The following LRRC8C variants were observed in gnomAD, a reference collection of about 807,000 sequenced individuals.
The protein encoded by LRRC8C is leucine rich repeat containing 8 VRAC subunit C.
In LRRC8C, 20 loss-of-function variants were observed where a neutral mutation model predicts 55.3. The ratio of observed to expected loss-of-function variants is 0.36; its 90% CI spans 0.25 to 0.53. LRRC8C has a LOEUF of 0.53. Ranked by LOEUF, LRRC8C falls within the 20% of genes least tolerant of loss-of-function variation. The pLI, the probability that LRRC8C is intolerant of heterozygous loss-of-function variation, is 0.92. For synonymous variants in LRRC8C, 376 were observed against 360.7 expected (o/e 1.04, Z -0.48); for missense variants, 659 against 951.4 (o/e 0.69, Z 4.04).
At chr1:89,702,920 C>T (rs903310609) in intron 2 of LRRC8C, among the ~76,000 whole-genome samples, 5 of 152,146 alleles carry the variant, frequency 3.3e-5, no homozygotes, top group African/African-American at 1.2e-4. Flanking sequence ...AACAAGAGTT[C>T]TCAGTTTACC....
Position 89,715,032 on chromosome 1 carries a change from A to G in LRRC8C, c.*50A>G, listed in dbSNP as rs1385280823. On this transcript the variant is annotated 3_prime_UTR_variant, in exon 3 of 3. Coordinates refer to ENST00000370454, the MANE Select transcript of LRRC8C (RefSeq NM_032270.5). The stretch of plus-strand genomic sequence containing the variant: ...GAAACACGCTTCTACCAAATACAGT[A>G]TAAATAATTAGGTAGTCTTAATGCC... The G allele has an allele frequency of 2.2e-6, 3 of 1,341,348 alleles. No individual in the cohort carries two copies. Among genetic ancestry groups the G allele is most frequent in the Middle Eastern group, 1.9e-4 (1 of 5,246 alleles). The allele number at this position is 1,341,348 out of a possible 1,614,324, so 83.1% of individuals were successfully genotyped here.
At chr1:89,689,901 A>G (rs1657982526) in intron 2 of LRRC8C, among the ~76,000 whole-genome samples, 1 of 152,100 alleles carries the variant, frequency 6.6e-6, no homozygotes, top group African/African-American at 2.4e-5. Flanking sequence ...AGATCGCACC[A>G]TTGCACTGCA....
the LRRC8C span, among the ~76,000 whole-genome samples, chr1:89,623,577 C>T: frequency 6.6e-6 from 1 of 152,292 alleles, no homozygotes; most frequent in East Asian, 1.9e-4. Flanking sequence ...AAAAAATTAG[C>T]CGGGCATGGT....
intron 1 of LRRC8C, among the ~76,000 whole-genome samples, chr1:89,657,132 C>A (rs576224875): frequency 2.0e-5 from 3 of 152,090 alleles, no homozygotes; most frequent in Admixed American, 6.5e-5. Flanking sequence ...AATGTGACCG[C>A]TTATGACTAA....
chr1:89,639,080 G>T (rs1027416343), intron 1 of LRRC8C, among the ~76,000 whole-genome samples: 2 of 151,138 alleles, frequency 1.3e-5, no homozygotes, highest in Non-Finnish European at 2.9e-5. Context: ...CTGCCTCCTG[G>T]GTCCAGGCGA....
chr1:89,647,576 G>A (rs1656650294), intron 1 of LRRC8C, among the ~76,000 whole-genome samples: 1 of 152,138 alleles, frequency 6.6e-6, no homozygotes, highest in South Asian at 2.1e-4. Flanking sequence ...TGGGTTGGGT[G>A]AGAAAAAATA....
At chr1:89,686,875 A>G (rs986670891) in intron 2 of LRRC8C, among the ~76,000 whole-genome samples, 3 of 152,214 alleles carry the variant, frequency 2.0e-5, no homozygotes, top group Non-Finnish European at 4.4e-5. Flanking sequence ...CTAACATCAA[A>G]GGGGGCCCCT....
In LRRC8C at chr1:89,713,216, A is replaced by G. The variant is rs753670794; in HGVS notation, c.646A>G (p.Ile216Val). The change falls in exon 3 of 3, where the codon ATT (isoleucine) becomes GTT (valine). Residue 216 changes from isoleucine to valine, a missense_variant. Transcript: ENST00000370454. This position sits in a 1 kb window ranked among gnomAD's most constrained non-coding sequence, Gnocchi z 5.2. ...SLVNSQSLKSIPEKFVVDKST... is the reference protein window; with the variant it reads ...SLVNSQSLKSVPEKFVVDKST... The stretch of plus-strand genomic sequence containing the variant: ...GGTCAACTCTCAGTCTTTAAAGTCC[A>G]TTCCTGAGAAGTTTGTAGTTGATAA... 1.4e-5 allele frequency: 22 copies of G among 1,614,220 alleles called. No homozygotes were observed. Among genetic ancestry groups the G allele is most frequent in the East Asian group, 2.2e-5 (1 of 44,888 alleles).
chr1:89,657,074 C>A (rs1490762456), intron 1 of LRRC8C, among the ~76,000 whole-genome samples: 1 of 152,112 alleles, frequency 6.6e-6, no homozygotes, highest in East Asian at 1.9e-4. Context: ...TTATATTATA[C>A]AAAATGGTGA....
At chr1:89,644,591 G>A (rs1019113348) in intron 1 of LRRC8C, among the ~76,000 whole-genome samples, 2 of 152,218 alleles carry the variant, frequency 1.3e-5, no homozygotes, top group African/African-American at 2.4e-5. Context: ...AGTCCATATG[G>A]TCTACAGCTA....
chr1:89,706,169 A>T, intron 2 of LRRC8C: 1 of 350,826 alleles, frequency 2.9e-6, no homozygotes, highest in East Asian at 8.1e-5. Context: ...CCCAAATATA[A>T]CAACTGACAT....
At chr1:89,625,610 G>C in the LRRC8C span, among the ~76,000 whole-genome samples, 2 of 152,144 alleles carry the variant, frequency 1.3e-5, no homozygotes, top group Non-Finnish European at 2.9e-5. Flanking sequence ...GAGCATGTGC[G>C]CATGGCTACG....
the LRRC8C span, among the ~76,000 whole-genome samples, chr1:89,623,529 T>A: frequency 6.6e-6 from 1 of 152,164 alleles, no homozygotes; most frequent in African/African-American, 2.4e-5. Flanking sequence ...AAGACCATCC[T>A]GGCTAACACA....
At chr1:89,654,572 T>C (rs921779079) in intron 1 of LRRC8C, among the ~76,000 whole-genome samples, 1 of 152,196 alleles carries the variant, frequency 6.6e-6, no homozygotes, top group Non-Finnish European at 1.5e-5. Context: ...TCTGTGTCCT[T>C]CTATGTCTGA....
rs1014038479 is a variant in LRRC8C at position 89,717,516 on chromosome 1, A to G, written c.*2534A>G. ...TTTTGATAACATCTGGTAAGTCAGT[A>G]TAGTTCTGTGACTTCATGTTTTAAC... On this transcript the variant is annotated 3_prime_UTR_variant, in exon 3 of 3. Coordinates refer to ENST00000370454, the MANE Select transcript of LRRC8C (RefSeq NM_032270.5). 6.6e-6 allele frequency: 1 copy of G among 152,162 alleles called. No individual in the cohort carries two copies. The highest frequency in any genetic ancestry group is 1.9e-4 in the East Asian group (1 of 5,196). The allele number at this position is 152,162 out of a possible 1,614,324, so 9.4% of individuals were successfully genotyped here.
At chr1:89,695,922 T>G (rs1400573645) in intron 2 of LRRC8C, among the ~76,000 whole-genome samples, 2 of 152,048 alleles carry the variant, frequency 1.3e-5, no homozygotes, top group African/African-American at 2.4e-5. Context: ...GTGAAAAAAA[T>G]GGTGATAAAA....
chr1:89,633,618 A>G (rs1202540886), intron 1 of LRRC8C, among the ~76,000 whole-genome samples: 2 of 151,656 alleles, frequency 1.3e-5, no homozygotes, highest in Non-Finnish European at 2.9e-5. Flanking sequence ...CAGGTCCTGC[A>G]GACTGGGCGC....
intron 1 of LRRC8C, among the ~76,000 whole-genome samples, chr1:89,656,998 T>TTTAAAACTTTACTG (rs1656963351): frequency 1.3e-5 from 2 of 152,178 alleles, no homozygotes; most frequent in African/African-American, 2.4e-5. Context: ...CACTAGCTAG[T>TTTAAAACTTTACTG]AGCCATAGAG....
At chr1:89,619,041 G>A in the LRRC8C span, among the ~76,000 whole-genome samples, 6 of 152,314 alleles carry the variant, frequency 3.9e-5, no homozygotes, top group African/African-American at 1.4e-4. Flanking sequence ...GATTTGAAGA[G>A]ATCTTGAGAT....
Sources: allele counts gnomAD v4.1 joint callset (sites outside exome capture counted in the v4.1 genomes callset), GRCh38; gene constraint gnomAD v4.1.1; non-coding constraint Gnocchi (gnomAD v3.1); transcripts MANE v1.5; gene names NCBI Gene and HGNC (gene_info 2026-07-23, HGNC 2026-07-21).